Variants in SWAP70 observed in about 807,000 individuals in gnomAD.
SWAP70 encodes the protein switch-associated protein 70.
A neutral mutation model predicts 80.2 loss-of-function variants in SWAP70; 34 were observed. The observed-to-expected ratio is 0.42, with a 90% CI of 0.32 to 0.56. SWAP70 has a LOEUF of 0.56. Among genes scored for constraint, SWAP70 ranks in the 20% least tolerant of loss-of-function variants. The pLI, the probability that SWAP70 is intolerant of heterozygous loss-of-function variation, is 0.09. For missense variants in SWAP70, 578 were observed against 690.7 expected (o/e 0.84, Z 1.83); for synonymous variants, 239 against 238.5 (o/e 1.00, Z -0.02).
At chr11:9,677,105 T>C (rs1850511824) in intron 1 of SWAP70, among the ~76,000 whole-genome samples, 1 of 151,912 alleles carries the variant, frequency 6.6e-6, no homozygotes, top group Admixed American at 6.6e-5. Flanking sequence ...CTAATAATAA[T>C]AAACCTTATT....
intron 1 of SWAP70, among the ~76,000 whole-genome samples, chr11:9,691,791 C>T (rs528665496): frequency 1.3e-5 from 2 of 152,224 alleles, no homozygotes; most frequent in African/African-American, 4.8e-5. Flanking sequence ...CATCCAAGGC[C>T]CCTGCCAGGG....
chr11:9,705,414 AC>A lies in SWAP70; in HGVS notation c.241-8051del, dbSNP rs1490808479. ...ATCTGTATACACTGGTGATCTGTGT[AC>A]ACTTGGTGATCTGTATACACTGGTG... On this transcript the variant is annotated intron_variant, in intron 2 of 11. Transcript: ENST00000318950. 7.3e-5 allele frequency among the ~76,000 whole-genome samples: 10 copies of A among 136,394 alleles called. 1 individual carries two copies. Among genetic ancestry groups the A allele is most frequent in the African/African-American group, 2.9e-4 (10 of 34,208 alleles). The allele number at this position is 136,394 out of a possible 152,430, so 89.5% of individuals were successfully genotyped here.
intron 9 of SWAP70, among the ~76,000 whole-genome samples, chr11:9,742,406 G>T (rs934330523): frequency 1.3e-5 from 2 of 151,404 alleles, no homozygotes; most frequent in Non-Finnish European, 2.9e-5. Flanking sequence ...GCGTGATCTC[G>T]GCTCACTGCA....
intron 1 of SWAP70, among the ~76,000 whole-genome samples, chr11:9,667,022 T>G (rs1374425094): frequency 2.6e-5 from 4 of 151,946 alleles, no homozygotes. Flanking sequence ...CATGCCTGAC[T>G]AATTTTTTTG....
chr11:9,674,985 T>G (rs947247422), intron 1 of SWAP70, among the ~76,000 whole-genome samples: 1 of 138,212 alleles, frequency 7.2e-6, no homozygotes, highest in African/African-American at 2.7e-5. Context: ...AAAAAAAAAA[T>G]TTTAAATTTA....
At chr11:9,697,408 G>T (rs1048557454) in intron 2 of SWAP70, among the ~76,000 whole-genome samples, 3 of 151,642 alleles carry the variant, frequency 2.0e-5, no homozygotes, top group African/African-American at 7.3e-5. Flanking sequence ...TTAGCCTCCT[G>T]AGTAGCTGGG....
At chr11:9,721,102 C>A (rs192038954) in intron 3 of SWAP70, among the ~76,000 whole-genome samples, 1 of 152,362 alleles carries the variant, frequency 6.6e-6, no homozygotes, top group East Asian at 1.9e-4. Context: ...AGGCGTGAGC[C>A]ACCACGCCTG....
intron 5 of SWAP70, among the ~76,000 whole-genome samples, chr11:9,728,445 T>G (rs555200985): frequency 1.3e-5 from 2 of 152,176 alleles, no homozygotes; most frequent in African/African-American, 2.4e-5. Context: ...AAGGATTAAA[T>G]CATTTATTGG....
chr11:9,725,569 ATTT>A (rs746391271), intron 4 of SWAP70, among the ~76,000 whole-genome samples: 892 of 25,790 alleles, frequency 0.035, 11 homozygotes, highest in Admixed American at 0.044. Context: ...ATATATATAT[ATTT>A]TTTTTTTTTT....
chr11:9,669,918 A>G (rs370724329), intron 1 of SWAP70, among the ~76,000 whole-genome samples: 1 of 152,274 alleles, frequency 6.6e-6, no homozygotes, highest in East Asian at 1.9e-4. Context: ...ATCTGAGGTC[A>G]GGAGTTCAAG....
intron 1 of SWAP70, 22 bp downstream of exon 1, chr11:9,664,300 C>G: frequency 6.5e-7 from 1 of 1,547,518 alleles, no homozygotes; most frequent in Non-Finnish European, 8.7e-7. Flanking sequence ...CTGACCCGGC[C>G]CCCCACCCGA....
intron 3 of SWAP70, among the ~76,000 whole-genome samples, chr11:9,717,251 T>G (rs956336175): frequency 6.6e-6 from 1 of 151,956 alleles, no homozygotes; most frequent in Non-Finnish European, 1.5e-5. Context: ...AATACAGAGG[T>G]GTATAGAAGG....
At chr11:9,676,187 T>C (rs187062536) in intron 1 of SWAP70, among the ~76,000 whole-genome samples, 9 of 152,330 alleles carry the variant, frequency 5.9e-5, no homozygotes, top group Admixed American at 2.6e-4. Context: ...TATTATCTGT[T>C]TTGATTGCAA....
Position 9,732,976 on chromosome 11 carries a change from C to T in SWAP70, c.1080+266C>T, listed in dbSNP as rs117229733. Among the ~76,000 whole-genome samples, 1,167 of 152,216 alleles carry T rather than the reference C, an allele frequency of 7.7e-3. 14 individuals are homozygous for T. The highest frequency in any genetic ancestry group is 0.034 in the Middle Eastern group (10 of 294). ...AATAATAATGAGCACAGTTGAATTT[C>T]GTCAGAAGAAGATGGGAAATTTCAT... On this transcript the variant is annotated intron_variant, in intron 7 of 11. Coordinates refer to ENST00000318950, the MANE Select transcript of SWAP70 (RefSeq NM_015055.4).
chr11:9,716,448 A>G (rs896611111), intron 3 of SWAP70, among the ~76,000 whole-genome samples: 1 of 152,202 alleles, frequency 6.6e-6, no homozygotes, highest in Admixed American at 6.5e-5. Flanking sequence ...AATCAGACTG[A>G]CTGGTTTGAA....
intron 2 of SWAP70, among the ~76,000 whole-genome samples, chr11:9,701,330 C>G (rs545148292): frequency 7.8e-4 from 119 of 152,050 alleles, no homozygotes; most frequent in Middle Eastern, 3.4e-3. Flanking sequence ...TGCCACCACG[C>G]CCAGCTACTT....
chr11:9,749,038 C>A, intron 10 of SWAP70, 49 bp from the exon 11 acceptor site: 1 of 1,266,360 alleles, frequency 7.9e-7, no homozygotes, highest in South Asian at 1.3e-5. Context: ...TGATTTGGTT[C>A]TTAAACTACC....
chr11:9,712,961 T>A (rs1565123896), intron 2 of SWAP70, among the ~76,000 whole-genome samples: 1 of 152,166 alleles, frequency 6.6e-6, no homozygotes, highest in African/African-American at 2.4e-5. Context: ...CCTCCCAGAG[T>A]GCTGGGATTA....
chr11:9,739,113 T>TA (rs1476502339), intron 8 of SWAP70, among the ~76,000 whole-genome samples: 1 of 152,218 alleles, frequency 6.6e-6, no homozygotes, highest in Non-Finnish European at 1.5e-5. Context: ...TGAGAACATC[T>TA]AGAGTCTGAT....
Sources: gnomAD v4.1 joint callset for allele counts (sites outside exome capture counted in the v4.1 genomes callset) on GRCh38, gnomAD v4.1.1 for gene constraint, MANE v1.5 for transcripts, NCBI Gene and HGNC (gene_info 2026-07-23, HGNC 2026-07-21) for gene names.